Variants in AKAP7 observed in about 807,000 individuals in gnomAD.
The protein encoded by AKAP7 is A kinase (PRKA) anchor protein 7.
AKAP7 carries 39 observed loss-of-function variants against 39.5 expected under a neutral mutation model. That is an observed-to-expected ratio of 0.99 (90% confidence interval 0.76 to 1.29). The LOEUF is 1.29. AKAP7 is among the 50% of genes most tolerant of loss of function. AKAP7 has a pLI of 0.00. For missense variants in AKAP7, 414 were observed against 407.7 expected, an observed-to-expected ratio of 1.02 and a Z score of -0.13; for synonymous variants, 140 against 139.1, an observed-to-expected ratio of 1.01 and a Z score of -0.05.
chr6:131,260,407 T>A (rs879829088), intron 7 of AKAP7, among the ~76,000 whole-genome samples: 1 of 152,186 alleles, frequency 6.6e-6, no homozygotes, highest in Non-Finnish European at 1.5e-5. Context: ...TTGAACTAAT[T>A]TACATTCCCA....
At chr6:131,183,830 A>G (rs1805533841) in intron 5 of AKAP7, among the ~76,000 whole-genome samples, 2 of 152,014 alleles carry the variant, frequency 1.3e-5, no homozygotes, top group Non-Finnish European at 1.5e-5. Flanking sequence ...AGGTGAGGCT[A>G]AGTGACACAG....
At chr6:131,265,126 C>T (rs1017562034) in intron 7 of AKAP7, among the ~76,000 whole-genome samples, 15 of 152,018 alleles carry the variant, frequency 9.9e-5, no homozygotes, top group African/African-American at 3.6e-4. Flanking sequence ...ATGCTAAGTG[C>T]TTTGTATTAT....
At chr6:131,272,908 T>C (rs1814412069) in intron 7 of AKAP7, among the ~76,000 whole-genome samples, 1 of 152,232 alleles carries the variant, frequency 6.6e-6, no homozygotes, top group Admixed American at 6.5e-5. Context: ...ACAGAATTTC[T>C]ATTTTATCAG....
At chr6:131,215,226 G>A (rs1176437549) in intron 6 of AKAP7, among the ~76,000 whole-genome samples, 2 of 152,180 alleles carry the variant, frequency 1.3e-5, no homozygotes, top group Non-Finnish European at 2.9e-5. Context: ...AGTTGGTGGG[G>A]TGTCAGGGCC....
At position 131,255,487 on chromosome 6, in the gene AKAP7, C is replaced by T. The variant is rs147435365; in HGVS notation, c.851-26043C>T. ...CAGGGAATGAGGATAGGGAACCTCC[C>T]ATCAAAGGACAGTGACACTTTATTT... On this transcript the variant is annotated intron_variant, in intron 7 of 7. Transcript: ENST00000431975. Among the ~76,000 whole-genome samples, 1,241 of 152,308 alleles carry T rather than the reference C, an allele frequency of 8.1e-3. 5 individuals are homozygous for T. The highest frequency in any genetic ancestry group is 0.014 in the Non-Finnish European group (931 of 68,032).
At chr6:131,231,617 C>A (rs185481200) in intron 7 of AKAP7, among the ~76,000 whole-genome samples, 1 of 151,980 alleles carries the variant, frequency 6.6e-6, no homozygotes. Flanking sequence ...TTATGACATA[C>A]AAATTGGGTG....
At chr6:131,164,131 GTTT>G (rs971053229) in intron 3 of AKAP7, among the ~76,000 whole-genome samples, 1 of 152,156 alleles carries the variant, frequency 6.6e-6, no homozygotes, top group East Asian at 1.9e-4. Flanking sequence ...TCATGAGTCA[GTTT>G]TTTCTTATCT....
chr6:131,282,113 A>C lies in AKAP7; in HGVS notation c.*387A>C, dbSNP rs1815247265. 1 of 1,157,614 alleles carries C rather than the reference A, an allele frequency of 8.6e-7. No homozygotes were observed. Among genetic ancestry groups the C allele is most frequent in the Non-Finnish European group, 1.1e-6 (1 of 941,542 alleles). 71.7% of individuals were successfully genotyped at this position (1,157,614 alleles called of 1,614,324 possible). A position where few individuals can be genotyped will look rare whatever the true frequency, so the allele number is the denominator to read the frequency against. ...TTTGACTACTTTATCTGAGGCCAGA[A>C]CTCTCACACACAGCTATCAAGTGCT... On this transcript the variant is annotated 3_prime_UTR_variant, in exon 8 of 8. Coordinates refer to ENST00000431975, the MANE Select transcript of AKAP7 (RefSeq NM_016377.4).
intron 3 of AKAP7, among the ~76,000 whole-genome samples, chr6:131,163,975 A>C (rs1005102182): frequency 2.6e-5 from 4 of 152,000 alleles, no homozygotes; most frequent in African/African-American, 4.8e-5. Context: ...GGGCCTGACT[A>C]AAGTTTTGGT....
chr6:131,232,396 A>G (rs1810697149), intron 7 of AKAP7, among the ~76,000 whole-genome samples: 1 of 152,220 alleles, frequency 6.6e-6, no homozygotes, highest in African/African-American at 2.4e-5. Context: ...CATAATAATG[A>G]ATTAATAGTT....
chr6:131,250,522 G>T, intron 7 of AKAP7: 1 of 1,613,508 alleles, frequency 6.2e-7, no homozygotes. Context: ...TCTATTTGGG[G>T]TCCTCACGGA....
At chr6:131,186,115 T>G (rs1805826836) in intron 5 of AKAP7, among the ~76,000 whole-genome samples, 1 of 152,202 alleles carries the variant, frequency 6.6e-6, no homozygotes, top group South Asian at 2.1e-4. Context: ...AATTGTATGT[T>G]GAAATGTAAT....
intron 6 of AKAP7, among the ~76,000 whole-genome samples, chr6:131,206,691 G>A (rs1808127534): frequency 6.6e-6 from 1 of 152,096 alleles, no homozygotes. Context: ...CTAACTGTGA[G>A]CCCTGATGTC....
chr6:131,134,267 C>T (rs1363546895), upstream of AKAP7, among the ~76,000 whole-genome samples: 6 of 152,136 alleles, frequency 3.9e-5, no homozygotes, highest in African/African-American at 1.2e-4. Flanking sequence ...CCACTGGGCC[C>T]GGCCTGGTAA....
At chr6:131,246,413 G>T (rs952900547) in intron 7 of AKAP7, among the ~76,000 whole-genome samples, 1 of 152,194 alleles carries the variant, frequency 6.6e-6, no homozygotes, top group Non-Finnish European at 1.5e-5. Context: ...TTAAGTTTAT[G>T]AACATAGTAT....
intron 5 of AKAP7, among the ~76,000 whole-genome samples, chr6:131,180,310 C>CT (rs1351917189): frequency 9.9e-5 from 15 of 152,272 alleles, no homozygotes; most frequent in African/African-American, 3.4e-4. Flanking sequence ...CCAGTTACTT[C>CT]TTCCCTCTCT....
intron 1 of AKAP7, 94 bp downstream of exon 1, chr6:131,135,876 C>A: frequency 8.4e-7 from 1 of 1,189,172 alleles, no homozygotes; most frequent in East Asian, 3.3e-5. Context: ...AGGGCCTGAC[C>A]CGCGCCGGCC....
intron 2 of AKAP7, among the ~76,000 whole-genome samples, chr6:131,151,497 C>A (rs750189100): frequency 6.6e-6 from 1 of 151,532 alleles, no homozygotes; most frequent in East Asian, 2.0e-4. Flanking sequence ...GTAATCCCAG[C>A]ACTTTGGGAG....
chr6:131,274,791 T>C (rs1053636089), intron 7 of AKAP7, among the ~76,000 whole-genome samples: 1 of 152,210 alleles, frequency 6.6e-6, no homozygotes, highest in Non-Finnish European at 1.5e-5. Flanking sequence ...ATACTTCCAG[T>C]ACTCCAATGC....
Sources: gnomAD v4.1 joint callset for allele counts (sites outside exome capture counted in the v4.1 genomes callset) on GRCh38, gnomAD v4.1.1 for gene constraint, MANE v1.5 for transcripts, NCBI Gene and HGNC (gene_info 2026-07-23, HGNC 2026-07-21) for gene names.